The following NXPE2 variants were observed in gnomAD, a reference collection of about 807,000 sequenced individuals.
NXPE2 encodes the protein neurexophilin and PC-esterase domain family member 2.
In NXPE2, 34 loss-of-function variants were observed where a neutral mutation model predicts 34.4. The ratio of observed to expected loss-of-function variants is 0.99; its 90% CI spans 0.75 to 1.31. NXPE2 has a LOEUF of 1.31. NXPE2 is among the 40% of genes most tolerant of loss of function. NXPE2 has a pLI of 0.00. For missense variants in NXPE2, 649 were observed against 672.5 expected (o/e 0.97, Z 0.39); for synonymous variants, 235 against 231.3 (o/e 1.02, Z -0.15).
chr11:114,610,636 C>T, the NXPE2 span, among the ~76,000 whole-genome samples: 1 of 151,864 alleles, frequency 6.6e-6, no homozygotes, highest in Non-Finnish European at 1.5e-5. Context: ...AGTGTTGCCT[C>T]ATGGGTAACC....
chr11:114,744,741 T>C, the NXPE2 span, among the ~76,000 whole-genome samples: 1 of 152,082 alleles, frequency 6.6e-6, no homozygotes, highest in African/African-American at 2.4e-5. Flanking sequence ...GCCCAGGAGG[T>C]TGAGGCTGCA....
At chr11:114,674,329 G>A (rs114963483), upstream of NXPE2, among the ~76,000 whole-genome samples, 214 of 151,854 alleles carry the variant, frequency 1.4e-3, no homozygotes, top group African/African-American at 5.0e-3. Flanking sequence ...ATGTGCTTCA[G>A]TAATTGTGAT....
the NXPE2 span, among the ~76,000 whole-genome samples, chr11:114,813,292 A>G: frequency 6.6e-6 from 1 of 152,194 alleles, no homozygotes; most frequent in Non-Finnish European, 1.5e-5. Flanking sequence ...GCTCATCTTC[A>G]GGTAGCTGCT....
chr11:114,560,644 G>T, the NXPE2 span, among the ~76,000 whole-genome samples: 2 of 152,082 alleles, frequency 1.3e-5, no homozygotes, highest in East Asian at 3.9e-4. Context: ...AAGGGGATAT[G>T]GTTCATTAAC....
At chr11:114,628,731 G>C in the NXPE2 span, among the ~76,000 whole-genome samples, 1 of 151,140 alleles carries the variant, frequency 6.6e-6, no homozygotes, top group Non-Finnish European at 1.5e-5. Flanking sequence ...ACGAATCCAG[G>C]AGCTGGTTTT....
chr11:114,522,310 G>C, the NXPE2 span: 244 of 1,614,062 alleles, frequency 1.5e-4, 1 homozygote, highest in South Asian at 5.3e-4. Context: ...AGGTGATGAC[G>C]ATGGCTGTGT....
At chr11:114,622,595 A>G in the NXPE2 span, among the ~76,000 whole-genome samples, 1 of 150,160 alleles carries the variant, frequency 6.7e-6, no homozygotes, top group Admixed American at 6.6e-5. Context: ...GGTAATAAGC[A>G]TTACCTCGTG....
At chr11:114,615,663 C>T in the NXPE2 span, among the ~76,000 whole-genome samples, 2 of 151,592 alleles carry the variant, frequency 1.3e-5, no homozygotes, top group Non-Finnish European at 2.9e-5. Flanking sequence ...CCACTGTTAC[C>T]CGATGGATAA....
At chr11:114,528,259 C>G in the NXPE2 span, among the ~76,000 whole-genome samples, 1 of 152,160 alleles carries the variant, frequency 6.6e-6, no homozygotes, top group African/African-American at 2.4e-5. Flanking sequence ...CTGTGAGCCT[C>G]TAATTGGTCA....
the NXPE2 span, among the ~76,000 whole-genome samples, chr11:114,805,030 G>A: frequency 2.0e-5 from 3 of 152,060 alleles, no homozygotes; most frequent in Non-Finnish European, 4.4e-5. Context: ...GGGGGTCTAA[G>A]GAAGATTTCT....
At chr11:114,679,159 C>G (rs1407836318) in intron 1 of NXPE2, among the ~76,000 whole-genome samples, 3 of 151,466 alleles carry the variant, frequency 2.0e-5, no homozygotes, top group Admixed American at 1.3e-4. Flanking sequence ...TGGCAACAAG[C>G]TGCCTAAAAA....
At chr11:114,676,196 T>C (rs1335671806), upstream of NXPE2, among the ~76,000 whole-genome samples, 1 of 151,794 alleles carries the variant, frequency 6.6e-6, no homozygotes, top group Non-Finnish European at 1.5e-5. Flanking sequence ...GTATGGTCAC[T>C]GAGGTTTTTT....
At chr11:114,468,470 G>T in the NXPE2 span, among the ~76,000 whole-genome samples, 14 of 152,224 alleles carry the variant, frequency 9.2e-5, no homozygotes, top group African/African-American at 2.2e-4. Flanking sequence ...AATTGCCACA[G>T]AACACTTATT....
the NXPE2 span, among the ~76,000 whole-genome samples, chr11:114,566,995 G>C: frequency 6.6e-6 from 1 of 152,164 alleles, no homozygotes; most frequent in Non-Finnish European, 1.5e-5. Context: ...TGAGCACTTT[G>C]CTAAGCTTTC....
the NXPE2 span, chr11:114,512,664 C>T: frequency 6.5e-6 from 1 of 153,836 alleles, no homozygotes; most frequent in African/African-American, 2.4e-5. Flanking sequence ...GCCATGTTCA[C>T]TGTTAATTAA....
chr11:114,721,300 G>A, the NXPE2 span, among the ~76,000 whole-genome samples: 1 of 151,576 alleles, frequency 6.6e-6, no homozygotes, highest in Non-Finnish European at 1.5e-5. Context: ...TGTGCCTCAG[G>A]GAGCAATACA....
the NXPE2 span, among the ~76,000 whole-genome samples, chr11:114,637,625 C>T: frequency 1.2e-3 from 187 of 150,558 alleles, 1 homozygote; most frequent in African/African-American, 4.1e-3. Context: ...CCATGTTCAG[C>T]GCTTCCTTCA....
the NXPE2 span, among the ~76,000 whole-genome samples, chr11:114,477,959 T>C: frequency 1.3e-5 from 2 of 152,114 alleles, no homozygotes; most frequent in African/African-American, 2.4e-5. Flanking sequence ...GAGTGGTACC[T>C]AGTAAAACAG....
At chr11:114,690,961 C>A (rs1472156207) in intron 2 of NXPE2, among the ~76,000 whole-genome samples, 1 of 151,984 alleles carries the variant, frequency 6.6e-6, no homozygotes, top group Non-Finnish European at 1.5e-5. Flanking sequence ...ACAGCTATGT[C>A]ATCTTCCAAA....
Sources: allele counts gnomAD v4.1 joint callset (sites outside exome capture counted in the v4.1 genomes callset), GRCh38; gene constraint gnomAD v4.1.1; transcripts MANE v1.5; gene names NCBI Gene and HGNC (gene_info 2026-07-23, HGNC 2026-07-21).